MRTFB: variants seen among roughly 807,000 people sequenced by gnomAD.
MRTFB encodes the protein myocardin-related transcription factor B.
In MRTFB, 29 loss-of-function variants were observed where a neutral mutation model predicts 104.2. The ratio of observed to expected loss-of-function variants is 0.28; its 90% CI spans 0.21 to 0.38. The LOEUF is 0.38. MRTFB is among the 10% of genes least tolerant of loss of function. The probability of loss-of-function intolerance (pLI) is 1.00; values close to 1 mark genes in which losing one functional copy is unlikely to be tolerated. For missense variants in MRTFB, 1,270 were observed against 1,341.6 expected, an observed-to-expected ratio of 0.95 and a Z score of 0.83; for synonymous variants, 535 against 519.5, an observed-to-expected ratio of 1.03 and a Z score of -0.41.
intron 3 of MRTFB, among the ~76,000 whole-genome samples, chr16:14,194,352 A>T (rs2040331176): frequency 6.6e-6 from 1 of 152,198 alleles, no homozygotes; most frequent in South Asian, 2.1e-4. Context: ...CAGGGAGAGA[A>T]AGAAAGAGGG....
chr16:14,098,223 G>T (rs1402350548), intron 2 of MRTFB, among the ~76,000 whole-genome samples: 2 of 152,076 alleles, frequency 1.3e-5, no homozygotes, highest in African/African-American at 4.8e-5. Flanking sequence ...GAGAATTCCA[G>T]TTGCTCTGTG....
intron 2 of MRTFB, among the ~76,000 whole-genome samples, chr16:14,094,718 G>T (rs76410488): frequency 6.6e-6 from 1 of 152,114 alleles, no homozygotes; most frequent in Non-Finnish European, 1.5e-5. Flanking sequence ...TGTGTTTTCC[G>T]TGAAACTGCA....
rs2043961137 is a variant in MRTFB, at chr16:14,266,712, A to G, written c.*5268A>G. 1 of 152,198 alleles carries G rather than the reference A, an allele frequency of 6.6e-6. No homozygotes were observed. Among genetic ancestry groups the G allele is most frequent in the Non-Finnish European group, 1.5e-5 (1 of 68,036 alleles). 9.4% of individuals were successfully genotyped at this position (152,198 alleles called of 1,614,324 possible). ...AGTGGCAGTATTGTAGCTGATCGGGAAATGTTTGATATCTCAGCAATTTTG... is the reference window on the plus strand; with the variant it reads ...AGTGGCAGTATTGTAGCTGATCGGGGAATGTTTGATATCTCAGCAATTTTG... On this transcript the variant is annotated 3_prime_UTR_variant, in exon 17 of 17. Coordinates refer to ENST00000571589, the MANE Select transcript of MRTFB (RefSeq NM_001308142.2).
intron 2 of MRTFB, among the ~76,000 whole-genome samples, chr16:14,110,459 G>A (rs1408243056): frequency 6.6e-5 from 10 of 152,154 alleles, no homozygotes; most frequent in Admixed American, 4.6e-4. Flanking sequence ...TGTGACATTA[G>A]ACAAATCTCT....
chr16:14,142,413 A>C (rs1195208095), intron 3 of MRTFB: 2 of 151,948 alleles, frequency 1.3e-5, no homozygotes, highest in African/African-American at 4.8e-5. Flanking sequence ...CGCCCAGCTA[A>C]TTTTTTCTAG....
At chr16:14,200,964 G>C (rs1393736272) in intron 3 of MRTFB, 28 of 1,435,516 alleles carry the variant, frequency 2.0e-5, no homozygotes, top group African/African-American at 2.8e-5. Context: ...GAGATGATCA[G>C]ACTTCCTGAA....
At chr16:14,160,534 A>G (rs936412267) in intron 3 of MRTFB, among the ~76,000 whole-genome samples, 21 of 152,296 alleles carry the variant, frequency 1.4e-4, no homozygotes, top group African/African-American at 4.6e-4. Context: ...TGTGTGGGAT[A>G]ATACCTTGAG....
intron 2 of MRTFB, among the ~76,000 whole-genome samples, chr16:14,115,207 A>G (rs1436872881): frequency 1.3e-5 from 2 of 152,222 alleles, no homozygotes; most frequent in African/African-American, 4.8e-5. Context: ...TGTTCTTGCT[A>G]CACATTGTAC....
the MRTFB span, among the ~76,000 whole-genome samples, chr16:14,018,140 T>C: frequency 6.6e-6 from 1 of 152,110 alleles, no homozygotes; most frequent in African/African-American, 2.4e-5. Context: ...CCTCAGTCTC[T>C]AGGATAATAA....
the MRTFB span, among the ~76,000 whole-genome samples, chr16:14,059,952 C>A: frequency 2.0e-5 from 3 of 150,396 alleles, no homozygotes; most frequent in Admixed American, 6.7e-5. Context: ...TTTCAGAACC[C>A]TTCTCAACTT....
chr16:14,227,109 A>ATGTT (rs1224080173), intron 8 of MRTFB, among the ~76,000 whole-genome samples: 1 of 152,168 alleles, frequency 6.6e-6, no homozygotes, highest in Non-Finnish European at 1.5e-5. Flanking sequence ...TATGGTTTGG[A>ATGTT]TGTTTGTCTC....
chr16:14,089,026 T>G (rs747364794), intron 2 of MRTFB, among the ~76,000 whole-genome samples: 10 of 152,174 alleles, frequency 6.6e-5, no homozygotes, highest in Admixed American at 1.3e-4. Context: ...ATAAATTATT[T>G]CCTCATTTGA....
At chr16:14,155,302 A>T (rs1245835194) in intron 3 of MRTFB, among the ~76,000 whole-genome samples, 3 of 150,626 alleles carry the variant, frequency 2.0e-5, no homozygotes, top group Non-Finnish European at 4.4e-5. Flanking sequence ...TACCTTTAGA[A>T]GTTTTATTTT....
chr16:14,062,195 C>T, the MRTFB span, among the ~76,000 whole-genome samples: 1 of 152,120 alleles, frequency 6.6e-6, no homozygotes, highest in Non-Finnish European at 1.5e-5. Flanking sequence ...CAGACTCAAG[C>T]GATCTTCCTG....
At chr16:14,025,468 GC>G in the MRTFB span, among the ~76,000 whole-genome samples, 164 of 152,316 alleles carry the variant, frequency 1.1e-3, no homozygotes, top group Admixed American at 3.6e-3. Context: ...CTATCAAGGT[GC>G]CCACACCTGG....
chr16:14,058,128 T>C, the MRTFB span, among the ~76,000 whole-genome samples: 1 of 152,190 alleles, frequency 6.6e-6, no homozygotes, highest in Admixed American at 6.5e-5. Flanking sequence ...AGGCACCAAC[T>C]TCCTGGGGAG....
the MRTFB span, among the ~76,000 whole-genome samples, chr16:14,039,665 ATAT>A: frequency 5.5e-3 from 839 of 152,048 alleles, 11 homozygotes; most frequent in African/African-American, 0.019. Flanking sequence ...TTCATATAGC[ATAT>A]TATTAGCATT....
chr16:14,031,527 T>C, the MRTFB span, among the ~76,000 whole-genome samples: 1 of 152,214 alleles, frequency 6.6e-6, no homozygotes, highest in African/African-American at 2.4e-5. Flanking sequence ...AGTATTCGTA[T>C]TGTCCTTTTA....
At chr16:14,182,577 A>G (rs1194633986) in intron 3 of MRTFB, among the ~76,000 whole-genome samples, 1 of 152,216 alleles carries the variant, frequency 6.6e-6, no homozygotes, top group Non-Finnish European at 1.5e-5. Flanking sequence ...ACATCCACAC[A>G]CATATAAACT....
Sources: allele counts gnomAD v4.1 joint callset (sites outside exome capture counted in the v4.1 genomes callset), GRCh38; gene constraint gnomAD v4.1.1; transcripts MANE v1.5; gene names NCBI Gene and HGNC (gene_info 2026-07-23, HGNC 2026-07-21).